The following SEC24D variants were observed in gnomAD, a reference collection of about 807,000 sequenced individuals.
SEC24D encodes the protein SEC24 homolog D, COPII component.
SEC24D carries 69 observed loss-of-function variants against 116.9 expected under a neutral mutation model. The observed-to-expected ratio is 0.59, with a 90% CI of 0.49 to 0.72. The LOEUF is 0.72. Among genes scored for constraint, SEC24D ranks in the 30% least tolerant of loss-of-function variants. The pLI is 0.00. For synonymous variants in SEC24D, 405 were observed against 442.8 expected (o/e 0.91, Z 1.07); for missense variants, 1,131 against 1,264.1 (o/e 0.89, Z 1.60).
intron 8 of SEC24D, among the ~76,000 whole-genome samples, chr4:118,779,121 C>A (rs142605024): frequency 6.6e-6 from 1 of 152,110 alleles, no homozygotes; most frequent in Non-Finnish European, 1.5e-5. Flanking sequence ...TTGCCCTGGC[C>A]AGAACTTCCA....
chr4:118,802,653 G>T (rs1427242535), intron 7 of SEC24D, among the ~76,000 whole-genome samples: 1 of 152,140 alleles, frequency 6.6e-6, no homozygotes, highest in Non-Finnish European at 1.5e-5. Context: ...CTGAGACCCT[G>T]CCACCTTACT....
chr4:118,736,359 A>AT (rs1464117980), intron 19 of SEC24D: 2 of 160,618 alleles, frequency 1.2e-5, no homozygotes, highest in Non-Finnish European at 2.8e-5. Context: ...GCTTCCTTAG[A>AT]TTTTGTACCC....
chr4:118,736,634 T>C (rs1036926437), intron 19 of SEC24D: 1 of 229,108 alleles, frequency 4.4e-6, no homozygotes. Flanking sequence ...AACTATTCTA[T>C]GTTTTCAGAC....
intron 7 of SEC24D, among the ~76,000 whole-genome samples, chr4:118,799,677 C>A (rs1042977089): frequency 6.6e-6 from 1 of 152,108 alleles, no homozygotes; most frequent in Non-Finnish European, 1.5e-5. Context: ...AGGAGCCTAG[C>A]GTCCTGAAGT....
chr4:118,804,585 G>GA lies in SEC24D; in HGVS notation c.913+1257dup, dbSNP rs532945780. ...CCACCTTTTATAGGTCACAGTGATA[G>GA]AAAAAAAAAATCAACAATTTCATAT... On this transcript the variant is annotated intron_variant, in intron 7 of 22. Transcript: ENST00000280551. 9.2e-3 allele frequency among the ~76,000 whole-genome samples: 1,354 copies of GA among 147,660 alleles called. 16 individuals carry two copies. Among genetic ancestry groups the GA allele is most frequent in the African/African-American group, 0.031 (1,238 of 40,374 alleles).
intron 8 of SEC24D, among the ~76,000 whole-genome samples, chr4:118,774,489 C>T (rs1464962147): frequency 1.3e-5 from 2 of 152,170 alleles, no homozygotes; most frequent in African/African-American, 4.8e-5. Flanking sequence ...TTCCCATCCA[C>T]ATTGTTCAGA....
intron 3 of SEC24D, among the ~76,000 whole-genome samples, chr4:118,822,536 T>G (rs1261800579): frequency 6.6e-6 from 1 of 152,122 alleles, no homozygotes; most frequent in Non-Finnish European, 1.5e-5. Context: ...ACTTCTTTCT[T>G]TTTAAAAAAA....
chr4:118,763,631 G>T (rs1446622447), intron 10 of SEC24D, among the ~76,000 whole-genome samples: 1 of 152,208 alleles, frequency 6.6e-6, no homozygotes, highest in Non-Finnish European at 1.5e-5. Context: ...AATCAGTGAA[G>T]AATTTTAAAG....
intron 8 of SEC24D, among the ~76,000 whole-genome samples, chr4:118,781,892 G>A (rs1313026867): frequency 2.6e-5 from 4 of 152,100 alleles, no homozygotes; most frequent in African/African-American, 4.8e-5. Context: ...TGAAGCTTGT[G>A]CATGCGTCAC....
At chr4:118,820,391 A>G (rs145067179) in intron 3 of SEC24D, among the ~76,000 whole-genome samples, 6,651 of 152,064 alleles carry the variant, frequency 0.044, 203 homozygotes, top group Non-Finnish European at 0.064. Flanking sequence ...ATGTTGACCA[A>G]GATGGTCTCA....
At chr4:118,750,941 T>C (rs1431004887) in intron 13 of SEC24D, among the ~76,000 whole-genome samples, 2 of 152,120 alleles carry the variant, frequency 1.3e-5, no homozygotes, top group Non-Finnish European at 2.9e-5. Flanking sequence ...AGAATCACTG[T>C]CTTAGAACCA....
chr4:118,744,094 C>T lies in SEC24D; in HGVS notation c.1889G>A (p.Cys630Tyr). Residue 630 changes from cysteine to tyrosine, a missense_variant, in exon 15 of 23, where the codon TGC becomes TAC. By Grantham distance (194) the Cys-to-Tyr change is radical. Transcript: ENST00000280551. ...SLAKDCVAHG[C>Y]SVTLFLFPSQ... ...AGGAAAGAGGAAGAGTGTCACAGAGCAGCCGTGAGCCACGCAGTCCTTGGC... is the reference window on the plus strand; with the variant it reads ...AGGAAAGAGGAAGAGTGTCACAGAGTAGCCGTGAGCCACGCAGTCCTTGGC... 2.5e-6 allele frequency: 4 copies of T among 1,613,402 alleles called. No homozygotes were observed. Among genetic ancestry groups the T allele is most frequent in the Non-Finnish European group, 2.5e-6 (3 of 1,179,644 alleles).
chr4:118,757,452 A>C (rs1307836157), intron 11 of SEC24D, among the ~76,000 whole-genome samples: 2 of 152,172 alleles, frequency 1.3e-5, no homozygotes, highest in Non-Finnish European at 2.9e-5. Flanking sequence ...TTCCTACCAC[A>C]CTGTTGGGAT....
chr4:118,742,217 AC>A (rs1196274823), intron 15 of SEC24D, among the ~76,000 whole-genome samples: 1 of 152,090 alleles, frequency 6.6e-6, no homozygotes, highest in East Asian at 1.9e-4. Flanking sequence ...ACCACAGAGC[AC>A]CCCCTGCCTA....
chr4:118,821,273 A>G (rs753242449), intron 3 of SEC24D, among the ~76,000 whole-genome samples: 75 of 152,296 alleles, frequency 4.9e-4, no homozygotes, highest in Non-Finnish European at 9.1e-4. Flanking sequence ...TATCAGCTTC[A>G]ATTTGGGAAG....
At position 118,768,310 on chromosome 4, in the gene SEC24D, C is replaced by G. The variant is rs1727738900; in HGVS notation, c.1043G>C (p.Ser348Thr). The G allele has an allele frequency of 1.2e-6, 2 of 1,610,458 alleles. No homozygotes were observed. Among genetic ancestry groups the G allele is most frequent in the African/African-American group, 1.3e-5 (1 of 74,568 alleles). ...GCCGTGATTTACCAAGTAAAGGGGA[C>G]TCTATGGAGAAGCAAGAAAAATTAA... ...KPFATIPSNE[S>T]PLYLVNHGES... is the part of the protein sequence containing the mutation. Residue 348 changes from serine (S) to threonine (T), a missense_variant and splice_region_variant, in exon 9 of 23, where the codon AGT becomes ACT. Ser to Thr is a moderately conservative substitution (Grantham distance 58, BLOSUM62 1). Transcript: ENST00000280551.
At chr4:118,809,880 T>C (rs918163474) in intron 6 of SEC24D, among the ~76,000 whole-genome samples, 4 of 152,082 alleles carry the variant, frequency 2.6e-5, no homozygotes. Context: ...AGACTGAGGA[T>C]GAGCAATGAG....
At chr4:118,817,799 G>C (rs887173941) in intron 3 of SEC24D, among the ~76,000 whole-genome samples, 1 of 152,174 alleles carries the variant, frequency 6.6e-6, no homozygotes, top group Non-Finnish European at 1.5e-5. Context: ...AGCACTTTGG[G>C]AGGCTGAGGT....
chr4:118,782,086 T>C (rs1385113714), intron 8 of SEC24D, among the ~76,000 whole-genome samples: 3 of 152,230 alleles, frequency 2.0e-5, no homozygotes, highest in Non-Finnish European at 4.4e-5. Context: ...CCTACTTCTG[T>C]CAATTCGTCA....
Sources: allele counts gnomAD v4.1 joint callset (sites outside exome capture counted in the v4.1 genomes callset), GRCh38; gene constraint gnomAD v4.1.1; transcripts MANE v1.5; gene names NCBI Gene and HGNC (gene_info 2026-07-23, HGNC 2026-07-21).